The following LOC131768270 variants were observed in gnomAD, a reference collection of about 807,000 sequenced individuals.
the LOC131768270 span, chr5:140,568,143 A>T: frequency 1.2e-6 from 2 of 1,613,808 alleles, no homozygotes; most frequent in Non-Finnish European, 1.7e-6. Flanking sequence ...GGCAGCCGCT[A>T]GTCCCTGACA....
chr5:140,568,022 T>C, the LOC131768270 span: 10 of 1,613,952 alleles, frequency 6.2e-6, no homozygotes, highest in East Asian at 2.2e-5. Flanking sequence ...TGTGGTGTCC[T>C]GCTCGCTGGT....
chr5:140,567,845 A>G, the LOC131768270 span: 2 of 1,613,894 alleles, frequency 1.2e-6, no homozygotes, highest in Non-Finnish European at 1.7e-6. Flanking sequence ...CTTCCTCTAC[A>G]CTTTTGGTGT....
At chr5:140,567,054 T>G in the LOC131768270 span, 2 of 1,519,412 alleles carry the variant, frequency 1.3e-6, no homozygotes, top group Non-Finnish European at 1.8e-6. Flanking sequence ...TCCTCAGTAT[T>G]CTCTCTGGCA....
chr5:140,567,217 G>C, the LOC131768270 span: 1 of 1,614,160 alleles, frequency 6.2e-7, no homozygotes, highest in Non-Finnish European at 8.5e-7. Flanking sequence ...GTCCCAGGCA[G>C]GCCCGCTGGA....
chr5:140,565,394 C>G, the LOC131768270 span: 1 of 157,064 alleles, frequency 6.4e-6, no homozygotes, highest in Non-Finnish European at 1.4e-5. Flanking sequence ...CATCCAGGAA[C>G]CAAGACAATA....
At chr5:140,568,372 C>T in the LOC131768270 span, 1 of 633,922 alleles carries the variant, frequency 1.6e-6, no homozygotes. Flanking sequence ...TTACCATCCC[C>T]CACCCCCAAC....
chr5:140,567,124 G>A, the LOC131768270 span: 8 of 1,613,672 alleles, frequency 5.0e-6, no homozygotes, highest in Admixed American at 1.2e-4. Flanking sequence ...CCCCAAACGT[G>A]TTGCAATCCC....
At chr5:140,568,807 AG>A in the LOC131768270 span, 1 of 167,584 alleles carries the variant, frequency 6.0e-6, no homozygotes, top group African/African-American at 2.4e-5. Flanking sequence ...CAGGGAATGT[AG>A]CCCCTGGGCC....
the LOC131768270 span, chr5:140,568,315 G>C: frequency 3.8e-6 from 4 of 1,050,404 alleles, no homozygotes; most frequent in African/African-American, 6.4e-5. Context: ...GGTGGATGAA[G>C]GGGTACCCCT....
chr5:140,565,184 T>C, the LOC131768270 span: 1 of 334,422 alleles, frequency 3.0e-6, no homozygotes, highest in African/African-American at 2.1e-5. Context: ...AGTGACACGA[T>C]GTTTCCAATC....
At chr5:140,567,218 G>C in the LOC131768270 span, 3 of 1,614,152 alleles carry the variant, frequency 1.9e-6, no homozygotes, top group Non-Finnish European at 2.5e-6. Context: ...TCCCAGGCAG[G>C]CCCGCTGGAC....
the LOC131768270 span, chr5:140,567,073 C>T: frequency 9.5e-6 from 15 of 1,577,092 alleles, no homozygotes; most frequent in Middle Eastern, 1.7e-4. Flanking sequence ...CAATGTTCCA[C>T]GGCTTCTCCT....
At chr5:140,566,020 T>C in the LOC131768270 span, 2 of 398,794 alleles carry the variant, frequency 5.0e-6, no homozygotes, top group Non-Finnish European at 8.8e-6. Context: ...TTGCCCAACA[T>C]GCTCTTGAGA....
chr5:140,565,673 T>C, the LOC131768270 span: 1 of 369,934 alleles, frequency 2.7e-6, no homozygotes, highest in Non-Finnish European at 4.8e-6. Flanking sequence ...AGATCCCATC[T>C]GTCAGTCCCT....
chr5:140,565,677 A>C, the LOC131768270 span: 2 of 372,896 alleles, frequency 5.4e-6, no homozygotes, highest in Non-Finnish European at 9.5e-6. Context: ...CCCATCTGTC[A>C]GTCCCTTCCT....
At chr5:140,567,441 T>A in the LOC131768270 span, 3 of 1,614,038 alleles carry the variant, frequency 1.9e-6, no homozygotes, top group African/African-American at 4.0e-5. Context: ...CCCTTCGCAC[T>A]ATCAGCCCTG....
At chr5:140,565,662 CA>C in the LOC131768270 span, 1 of 360,100 alleles carries the variant, frequency 2.8e-6, no homozygotes, top group Non-Finnish European at 4.9e-6. Flanking sequence ...GTTACTGGTT[CA>C]GATCCCATCT....
At chr5:140,566,137 G>A in the LOC131768270 span, among the ~76,000 whole-genome samples, 1 of 152,212 alleles carries the variant, frequency 6.6e-6, no homozygotes, top group African/African-American at 2.4e-5. Flanking sequence ...AATATCTTAA[G>A]TAGTGGTTAA....
chr5:140,568,287 G>A, the LOC131768270 span: 5 of 1,352,914 alleles, frequency 3.7e-6, no homozygotes, highest in Admixed American at 2.2e-5. Flanking sequence ...AGGGCAGCCA[G>A]GTTATTCTCT....
Sources: allele counts gnomAD v4.1 joint callset (sites outside exome capture counted in the v4.1 genomes callset), GRCh38; gene constraint gnomAD v4.1.1; transcripts MANE v1.5.